The following PTPRD variants were observed in gnomAD, a reference collection of about 807,000 sequenced individuals.
The protein encoded by PTPRD is receptor-type tyrosine-protein phosphatase delta.
A neutral mutation model predicts 214.5 loss-of-function variants in PTPRD; 34 were observed. That is an observed-to-expected ratio of 0.16 (90% CI 0.12 to 0.21). The LOEUF (loss-of-function observed/expected upper bound fraction) is 0.21. PTPRD is among the 10% of genes least tolerant of loss of function. The pLI, the probability that PTPRD is intolerant of heterozygous loss-of-function variation, is 1.00. For synonymous variants in PTPRD, 1,128 were observed against 845.7 expected (o/e 1.33, Z -5.79); for missense variants, 2,545 against 2,398.7 (o/e 1.06, Z -1.27).
At chr9:10,399,871 G>A (rs148055352) in intron 2 of PTPRD, among the ~76,000 whole-genome samples, 63 of 151,882 alleles carry the variant, frequency 4.1e-4, no homozygotes, top group African/African-American at 1.4e-3. Flanking sequence ...TGGAGGATGC[G>A]TAGCTAAGAA....
At chr9:10,444,570 A>G (rs570084733) in intron 2 of PTPRD, among the ~76,000 whole-genome samples, 37 of 152,002 alleles carry the variant, frequency 2.4e-4, no homozygotes, top group Middle Eastern at 3.4e-3. Flanking sequence ...TGAATATTCC[A>G]CTAAAGACAA....
intron 30 of PTPRD, among the ~76,000 whole-genome samples, chr9:8,483,420 A>T (rs911571415): frequency 1.3e-5 from 2 of 152,160 alleles, no homozygotes; most frequent in African/African-American, 4.8e-5. Flanking sequence ...TATTAGAGTT[A>T]ATCACCTATT....
Position 8,715,472 on chromosome 9 carries a change from T to TA in PTPRD, c.64+18307dup, listed in dbSNP as rs1339588259. ...AGAATATATAGAAGCTGCATAAAATTAAAAAATATATATGCTCAGAGAGGT... is the reference window on the plus strand; with the variant it reads ...AGAATATATAGAAGCTGCATAAAATTAAAAAAATATATATGCTCAGAGAGGT... On this transcript the variant is annotated intron_variant, in intron 12 of 45. Transcript: ENST00000381196. Among the ~76,000 whole-genome samples, 6 of 152,256 alleles carry TA rather than the reference T, an allele frequency of 3.9e-5. No individual in the cohort carries two copies. The East Asian group carries it at 7.7e-4, about 20-fold the overall frequency.
chr9:10,030,898 T>C (rs567773002), intron 4 of PTPRD, among the ~76,000 whole-genome samples: 7 of 152,306 alleles, frequency 4.6e-5, no homozygotes, highest in African/African-American at 1.4e-4. Flanking sequence ...TAAATCTTCA[T>C]TGTGTTCTGG....
intron 3 of PTPRD, among the ~76,000 whole-genome samples, chr9:10,079,825 C>A (rs1249651600): frequency 1.3e-5 from 2 of 152,146 alleles, no homozygotes; most frequent in East Asian, 3.9e-4. Context: ...GGTCTATTGT[C>A]ACCGACCCTA....
chr9:8,929,802 T>C lies in PTPRD; in HGVS notation c.-104+88895A>G, dbSNP rs1176448000. On this transcript the variant is annotated intron_variant, in intron 11 of 45. Coordinates refer to ENST00000381196, the MANE Select transcript of PTPRD (RefSeq NM_002839.4). ...ATGGGTGTGTATATATGTGTGTGTATATATGTGTATATATATGTGTATATA... is the reference window on the plus strand; with the variant it reads ...ATGGGTGTGTATATATGTGTGTGTACATATGTGTATATATATGTGTATATA... Among the ~76,000 whole-genome samples, 142 of 115,740 alleles carry C rather than the reference T, an allele frequency of 1.2e-3. 2 individuals carry two copies. The highest frequency in any genetic ancestry group is 2.2e-3 in the South Asian group (8 of 3,562). The allele number at this position is 115,740 out of a possible 152,430, so 75.9% of individuals were successfully genotyped here.
At chr9:9,004,855 CAAACA>C (rs1325184161) in intron 11 of PTPRD, among the ~76,000 whole-genome samples, 1 of 151,988 alleles carries the variant, frequency 6.6e-6, no homozygotes, top group East Asian at 1.9e-4. Flanking sequence ...ATAGGAAAAA[CAAACA>C]AAACAAAACA....
chr9:10,493,446 A>G (rs1023750520), intron 2 of PTPRD, among the ~76,000 whole-genome samples: 1 of 152,140 alleles, frequency 6.6e-6, no homozygotes, highest in South Asian at 2.1e-4. Context: ...ATAATGCCAC[A>G]CATCTACAAC....
chr9:9,079,649 C>A (rs2154419453), intron 10 of PTPRD, among the ~76,000 whole-genome samples: 1 of 152,138 alleles, frequency 6.6e-6, no homozygotes, highest in South Asian at 2.1e-4. Context: ...AGCTGTCGGT[C>A]TCATATCTCC....
intron 12 of PTPRD, among the ~76,000 whole-genome samples, chr9:8,674,507 A>G (rs945498419): frequency 1.3e-5 from 2 of 151,798 alleles, no homozygotes; most frequent in Admixed American, 1.3e-4. Flanking sequence ...ACAAGCAAAA[A>G]TAAGTAAAAT....
chr9:9,041,047 G>A (rs552186749), intron 10 of PTPRD, among the ~76,000 whole-genome samples: 1 of 152,050 alleles, frequency 6.6e-6, no homozygotes, highest in Non-Finnish European at 1.5e-5. Context: ...ATTGTAGGTT[G>A]ATGGCACTGA....
chr9:8,467,095 C>T (rs529261549), intron 31 of PTPRD, among the ~76,000 whole-genome samples: 16 of 151,682 alleles, frequency 1.1e-4, no homozygotes, highest in Non-Finnish European at 1.8e-4. Flanking sequence ...AAATTTTGGC[C>T]GACATTATTT....
intron 8 of PTPRD, among the ~76,000 whole-genome samples, chr9:9,453,524 A>C (rs999665045): frequency 6.6e-6 from 1 of 151,664 alleles, no homozygotes; most frequent in Admixed American, 6.6e-5. Context: ...AGGTTGCCTT[A>C]TTAAATTACA....
At chr9:8,471,133 A>C (rs1356425351) in intron 30 of PTPRD, 48 bp from the exon 31 acceptor site, 3 of 1,509,072 alleles carry the variant, frequency 2.0e-6, no homozygotes, top group Non-Finnish European at 2.8e-6. Flanking sequence ...AAAGGAGGAA[A>C]ACGTGGATAT....
chr9:9,713,628 T>G (rs978616265), intron 7 of PTPRD, among the ~76,000 whole-genome samples: 7 of 152,186 alleles, frequency 4.6e-5, no homozygotes, highest in Non-Finnish European at 1.0e-4. Context: ...CTTGAAAGGA[T>G]GGGTCGATTT....
intron 10 of PTPRD, among the ~76,000 whole-genome samples, chr9:9,062,586 AC>A (rs1428480330): frequency 2.6e-5 from 4 of 151,352 alleles, no homozygotes; most frequent in African/African-American, 9.8e-5. Flanking sequence ...CTATCTACCT[AC>A]CTACCATCTA....
In PTPRD at chr9:9,189,704, T is replaced by A. The variant is rs139662195; in HGVS notation, c.-202-6341A>T. On this transcript the variant is annotated intron_variant, in intron 9 of 45. Transcript: ENST00000381196. ...CTCAGCATTTTGCATAAGCCTAGCA[T>A]ACAGTGATAAATGGTAAATATTTTT... is the stretch of plus-strand genomic sequence containing the variant. Among the ~76,000 whole-genome samples, 8 of 152,218 alleles carry A rather than the reference T, an allele frequency of 5.3e-5. No individual in the cohort carries two copies. In the East Asian group the frequency reaches 1.5e-3, roughly 29 times the overall value.
chr9:9,650,821 A>G (rs1366100713), intron 7 of PTPRD, among the ~76,000 whole-genome samples: 3 of 152,144 alleles, frequency 2.0e-5, no homozygotes, highest in Non-Finnish European at 4.4e-5. Context: ...AAAATACAGT[A>G]ATATAAATTT....
chr9:9,591,165 C>A (rs78229272), intron 7 of PTPRD, among the ~76,000 whole-genome samples: 10 of 144,804 alleles, frequency 6.9e-5, no homozygotes, highest in Non-Finnish European at 1.1e-4. Context: ...GAAGAGAATT[C>A]TCTGGCTGTG....
Sources: allele counts gnomAD v4.1 joint callset (sites outside exome capture counted in the v4.1 genomes callset), GRCh38; gene constraint gnomAD v4.1.1; transcripts MANE v1.5; gene names NCBI Gene and HGNC (gene_info 2026-07-23, HGNC 2026-07-21).